CCSER1: variants seen among roughly 807,000 people sequenced by gnomAD.
CCSER1 encodes the protein coiled-coil serine rich protein 1.
CCSER1 carries 41 observed loss-of-function variants against 82.0 expected under a neutral mutation model. The observed-to-expected ratio is 0.50, with a 90% CI of 0.39 to 0.65. CCSER1 has a LOEUF of 0.65. Among genes scored for constraint, CCSER1 ranks in the 30% least tolerant of loss-of-function variants. The pLI is 0.00. For synonymous variants in CCSER1, 414 were observed against 383.9 expected, an observed-to-expected ratio of 1.08 and a Z score of -0.92; for missense variants, 1,119 against 1,064.2, an observed-to-expected ratio of 1.05 and a Z score of -0.72.
In CCSER1 at chr4:91,599,491, A is replaced by G. The variant is rs767244350; in HGVS notation, c.*434A>G. ...GGAATTATAAAGAATTTTAAATTAT[A>G]TAATTAATAGAAGGAGGAAAAAAGA... On this transcript the variant is annotated 3_prime_UTR_variant, in exon 11 of 11. Coordinates refer to ENST00000509176, the MANE Select transcript of CCSER1 (RefSeq NM_001145065.2). The G allele has an allele frequency of 6.6e-6, 1 of 152,322 alleles. No individual in the cohort carries two copies. Among genetic ancestry groups the G allele is most frequent in the Non-Finnish European group, 1.5e-5 (1 of 68,194 alleles). 9.4% of individuals were successfully genotyped at this position (152,322 alleles called of 1,614,324 possible).
chr4:90,186,657 T>C (rs1734672502), intron 1 of CCSER1, among the ~76,000 whole-genome samples: 1 of 151,966 alleles, frequency 6.6e-6, no homozygotes, highest in Admixed American at 6.6e-5. Flanking sequence ...TTAATAGAAA[T>C]GTGATTTCTT....
At chr4:91,532,701 T>C (rs937000582) in intron 10 of CCSER1, among the ~76,000 whole-genome samples, 2 of 139,486 alleles carry the variant, frequency 1.4e-5, no homozygotes, top group Non-Finnish European at 3.1e-5. Context: ...ACCCATTCTC[T>C]ACAAAAAAAT....
chr4:90,607,335 G>A (rs1288218583), intron 5 of CCSER1, among the ~76,000 whole-genome samples: 1 of 152,064 alleles, frequency 6.6e-6, no homozygotes. Context: ...AAAACTTTAA[G>A]GAAGGAGCAT....
At chr4:90,213,552 A>G (rs995170467) in intron 1 of CCSER1, among the ~76,000 whole-genome samples, 2 of 152,138 alleles carry the variant, frequency 1.3e-5, no homozygotes, top group African/African-American at 4.8e-5. Context: ...TGTACATAAT[A>G]AAGAGGAGAG....
At chr4:90,756,288 T>C (rs2149501027) in intron 7 of CCSER1, among the ~76,000 whole-genome samples, 1 of 152,278 alleles carries the variant, frequency 6.6e-6, no homozygotes, top group Non-Finnish European at 1.5e-5. Flanking sequence ...GAAAATTGTT[T>C]ACTCTCTTTC....
At chr4:90,168,847 G>C (rs1031927272) in intron 1 of CCSER1, among the ~76,000 whole-genome samples, 1 of 144,814 alleles carries the variant, frequency 6.9e-6, no homozygotes, top group Admixed American at 6.8e-5. Context: ...CTCTGTTTTG[G>C]TACCAGTACC....
At chr4:90,948,141 A>G (rs1334425329) in intron 9 of CCSER1, among the ~76,000 whole-genome samples, 1 of 151,526 alleles carries the variant, frequency 6.6e-6, no homozygotes, top group Non-Finnish European at 1.5e-5. Flanking sequence ...TTTTTTTTCC[A>G]GTCTGTAATT....
chr4:91,475,057 CAT>C (rs1757510469), intron 10 of CCSER1, among the ~76,000 whole-genome samples: 2 of 151,638 alleles, frequency 1.3e-5, no homozygotes, highest in South Asian at 4.1e-4. Context: ...GAGACAGTCT[CAT>C]ATAAGAAACT....
chr4:91,228,185 A>G (rs1393662000), intron 10 of CCSER1, among the ~76,000 whole-genome samples: 1 of 152,132 alleles, frequency 6.6e-6, no homozygotes, highest in Non-Finnish European at 1.5e-5. Context: ...TCATGATTTG[A>G]GTAAACATAT....
chr4:90,659,460 T>G (rs1485821264), intron 6 of CCSER1, among the ~76,000 whole-genome samples: 3 of 152,052 alleles, frequency 2.0e-5, no homozygotes, highest in African/African-American at 7.2e-5. Context: ...AGCAGATTAG[T>G]CATCCCCCCA....
At chr4:90,160,747 A>C (rs1463938359) in intron 1 of CCSER1, among the ~76,000 whole-genome samples, 1 of 152,196 alleles carries the variant, frequency 6.6e-6, no homozygotes, top group East Asian at 1.9e-4. Context: ...TATGGGAAAC[A>C]ATAGAATGTA....
intron 5 of CCSER1, among the ~76,000 whole-genome samples, chr4:90,496,963 C>T (rs1327145806): frequency 6.1e-5 from 6 of 98,230 alleles, no homozygotes; most frequent in African/African-American, 2.3e-4. Context: ...GGCGATAGAG[C>T]GAGACTACAA....
chr4:91,191,505 A>G (rs968952496), intron 10 of CCSER1, among the ~76,000 whole-genome samples: 3 of 152,206 alleles, frequency 2.0e-5, no homozygotes, highest in Non-Finnish European at 2.9e-5. Flanking sequence ...GTATTAGAGC[A>G]TCTCCCATTT....
intron 5 of CCSER1, among the ~76,000 whole-genome samples, chr4:90,578,994 A>G (rs1338482151): frequency 1.7e-5 from 1 of 59,018 alleles, no homozygotes; most frequent in African/African-American, 2.5e-4. Context: ...CTTATAAAGT[A>G]TATAAATATT....
chr4:90,351,073 G>C (rs1743338837), intron 3 of CCSER1, among the ~76,000 whole-genome samples: 1 of 152,110 alleles, frequency 6.6e-6, no homozygotes, highest in Non-Finnish European at 1.5e-5. Context: ...GAGGGCACTA[G>C]CCCTATCAGA....
Position 91,579,196 on chromosome 4 carries a change from G to A in CCSER1, c.2218-19376G>A, listed in dbSNP as rs191893271. Among the ~76,000 whole-genome samples the A allele has an allele frequency of 1.0e-3, 156 of 151,062 alleles. 1 individual carries two copies. Among genetic ancestry groups the A allele is most frequent in the Non-Finnish European group, 1.8e-3 (119 of 67,644 alleles). Reference sequence around the variant, plus strand: ...TGGATAGCTTTCTATTAGGGTTTTGGAATACATATTTTTGTTTGTTTATCA... The same window carrying A: ...TGGATAGCTTTCTATTAGGGTTTTGAAATACATATTTTTGTTTGTTTATCA... On this transcript the variant is annotated intron_variant, in intron 10 of 10. Coordinates refer to ENST00000509176, the MANE Select transcript of CCSER1 (RefSeq NM_001145065.2).
At chr4:91,436,884 A>G (rs1409613580) in intron 10 of CCSER1, among the ~76,000 whole-genome samples, 1 of 152,218 alleles carries the variant, frequency 6.6e-6, no homozygotes, top group African/African-American at 2.4e-5. Flanking sequence ...TATTTATTGA[A>G]AATAACCAAA....
At chr4:90,712,717 C>A (rs747143189) in intron 6 of CCSER1, among the ~76,000 whole-genome samples, 13 of 150,770 alleles carry the variant, frequency 8.6e-5, no homozygotes, top group Non-Finnish European at 1.6e-4. Flanking sequence ...CGGTGATCTG[C>A]CTAATATTGT....
At chr4:91,380,758 T>C (rs992420067) in intron 10 of CCSER1, among the ~76,000 whole-genome samples, 8 of 152,218 alleles carry the variant, frequency 5.3e-5, no homozygotes, top group African/African-American at 9.6e-5. Context: ...TTAAGGCTAA[T>C]ATTGTTATGT....
Sources: allele counts gnomAD v4.1 joint callset (sites outside exome capture counted in the v4.1 genomes callset), GRCh38; gene constraint gnomAD v4.1.1; transcripts MANE v1.5; gene names NCBI Gene and HGNC (gene_info 2026-07-23, HGNC 2026-07-21).